The following CHM variants were observed in gnomAD, a reference collection of about 807,000 sequenced individuals.
CHM encodes the protein CHM Rab escort protein.
Under a neutral mutation model 49.0 loss-of-function variants are expected in CHM, and 10 were observed. The ratio of observed to expected loss-of-function variants is 0.20; its 90% confidence interval spans 0.13 to 0.35. CHM has a LOEUF of 0.35. CHM is among the 10% of genes least tolerant of loss of function. The pLI, the probability that CHM is intolerant of heterozygous loss-of-function variation, is 1.00. For missense variants in CHM, 455 were observed against 478.4 expected, an observed-to-expected ratio of 0.95 and a Z score of 0.46; for synonymous variants, 184 against 167.5, an observed-to-expected ratio of 1.10 and a Z score of -0.76.
chrX:85,958,810 C>A (rs1485428782), intron 6 of CHM, 51 bp downstream of exon 6: 1 of 1,207,641 alleles, frequency 8.3e-7, no homozygotes, highest in East Asian at 3.0e-5. Flanking sequence ...CCAAAACAAA[C>A]CATAATAACT....
intron 2 of CHM, among the ~76,000 whole-genome samples, chrX:86,007,762 A>T (rs971441226): frequency 2.7e-5 from 3 of 112,154 alleles, no homozygotes; most frequent in Admixed American, 9.4e-5. Flanking sequence ...AAACAACAGA[A>T]GCTGGAGAGG....
At chrX:85,913,060 C>T (rs1216286253) in intron 8 of CHM, among the ~76,000 whole-genome samples, 4 of 98,843 alleles carry the variant, frequency 4.0e-5, no homozygotes, top group African/African-American at 1.5e-4. Context: ...AGGCAGGGCC[C>T]ACGCCTGTAA....
chrX:86,024,425 T>C (rs1349652376), intron 2 of CHM, among the ~76,000 whole-genome samples: 1 of 112,626 alleles, frequency 8.9e-6, no homozygotes, highest in African/African-American at 3.2e-5. Context: ...TCTGCTTTCA[T>C]CTTTTCAAGT....
chrX:85,962,353 T>C (rs566072711), intron 5 of CHM, among the ~76,000 whole-genome samples: 19 of 112,254 alleles, frequency 1.7e-4, no homozygotes, highest in African/African-American at 4.5e-4. Flanking sequence ...GTGGGAGAGA[T>C]AGTACGGAAG....
chrX:85,933,353 T>G (rs756873776), intron 8 of CHM, among the ~76,000 whole-genome samples: 2 of 112,284 alleles, frequency 1.8e-5, no homozygotes, highest in Admixed American at 9.5e-5. Flanking sequence ...TTCTAAGAGC[T>G]TTGCAAATAT....
chrX:86,040,622 T>C (rs1397200938), intron 1 of CHM, among the ~76,000 whole-genome samples: 5 of 112,283 alleles, frequency 4.5e-5, no homozygotes, highest in African/African-American at 1.6e-4. Flanking sequence ...CAGTATGAGA[T>C]GAAACACTTA....
chrX:85,929,358 T>C (rs1309942253), intron 8 of CHM, among the ~76,000 whole-genome samples: 1 of 112,454 alleles, frequency 8.9e-6, no homozygotes, highest in Non-Finnish European at 1.9e-5. Flanking sequence ...GTGGCCTTCA[T>C]TGACCATTAT....
intron 8 of CHM, among the ~76,000 whole-genome samples, chrX:85,952,058 A>T (rs1929779317): frequency 8.9e-6 from 1 of 112,138 alleles, no homozygotes; most frequent in Admixed American, 9.4e-5. Context: ...CAGCAGCTGG[A>T]ACTCGAGTGT....
chrX:85,990,717 T>C lies in CHM; in HGVS notation c.117-8908A>G, dbSNP rs186016617. ...CAATATCAGTTTGCTTAACATCTCT[T>C]AACAGAAAAGCAATACTACAGGTAG... is the stretch of plus-strand genomic sequence containing the variant. On this transcript the variant is annotated intron_variant, in intron 2 of 14. Coordinates refer to ENST00000357749, the MANE Select transcript of CHM (RefSeq NM_000390.4). Among the ~76,000 whole-genome samples, 3 of 111,818 alleles carry C rather than the reference T, an allele frequency of 2.7e-5. No individual in the cohort carries two copies. The East Asian group carries it at 8.5e-4, about 32-fold the overall frequency.
chrX:85,995,255 T>C (rs1268733403), intron 2 of CHM, among the ~76,000 whole-genome samples: 8 of 85,424 alleles, frequency 9.4e-5, no homozygotes, highest in African/African-American at 3.2e-4. Context: ...ACATTCCTTA[T>C]TACTTAAAAA....
intron 4 of CHM, chrX:85,971,288 C>T: frequency 1.4e-6 from 1 of 722,757 alleles, no homozygotes; most frequent in East Asian, 1.5e-4. Context: ...CTTGGTCTCA[C>T]TGACTTAAAG....
intron 2 of CHM, among the ~76,000 whole-genome samples, chrX:86,016,567 T>A (rs1933313302): frequency 8.9e-6 from 1 of 112,727 alleles, no homozygotes; most frequent in Non-Finnish European, 1.9e-5. Flanking sequence ...AGCTTCCACA[T>A]GTTGCTGAGC....
chrX:85,989,494 C>T (rs1199965015), intron 2 of CHM, among the ~76,000 whole-genome samples: 1 of 112,001 alleles, frequency 8.9e-6, no homozygotes, highest in Non-Finnish European at 1.9e-5. Context: ...CAAAAATTGA[C>T]AAGTGGAATC....
At position 85,876,361 on chromosome X, in the gene CHM, A is replaced by G. The variant is rs142095531; in HGVS notation, c.1609+2604T>C. Among the ~76,000 whole-genome samples, 890 of 112,218 alleles carry G rather than the reference A, an allele frequency of 7.9e-3. 7 individuals carry two copies. Among genetic ancestry groups the G allele is most frequent in the Non-Finnish European group, 0.014 (767 of 53,134 alleles). The stretch of plus-strand genomic sequence containing the variant: ...TAAAATATTTACAATGCAGTAAAGC[A>G]TAAGGTATTATATGAATGTCAAATA... On this transcript the variant is annotated intron_variant, in intron 13 of 14. Transcript: ENST00000357749.
intron 5 of CHM, among the ~76,000 whole-genome samples, chrX:85,960,918 C>T (rs5968752): frequency 0.23 from 25,049 of 110,751 alleles, 2,166 homozygotes; most frequent in Non-Finnish European, 0.25. Flanking sequence ...TCATCTTTGA[C>T]CTTCTCTATT....
chrX:85,981,863 T>C, intron 2 of CHM, 54 bp from the exon 3 acceptor site: 1 of 893,616 alleles, frequency 1.1e-6, no homozygotes, highest in Non-Finnish European at 1.6e-6. Flanking sequence ...AAAAATCAAT[T>C]CACTGATCTT....
intron 8 of CHM, among the ~76,000 whole-genome samples, chrX:85,923,378 G>A (rs780685798): frequency 6.3e-5 from 7 of 111,990 alleles, no homozygotes; most frequent in African/African-American, 2.3e-4. Flanking sequence ...ACCAATGTGG[G>A]GTTTGTAGGC....
At chrX:85,888,618 G>C (rs1925248662) in intron 12 of CHM, among the ~76,000 whole-genome samples, 2 of 111,685 alleles carry the variant, frequency 1.8e-5, no homozygotes, top group South Asian at 7.6e-4. Context: ...CAAAATGGCA[G>C]AGTCCCCTGG....
At chrX:85,964,440 G>A (rs988997519) in intron 4 of CHM, among the ~76,000 whole-genome samples, 4 of 109,901 alleles carry the variant, frequency 3.6e-5, no homozygotes, top group Non-Finnish European at 5.7e-5. Flanking sequence ...TACCCTCTCT[G>A]AGACCACCTA....
Sources: allele counts gnomAD v4.1 joint callset (sites outside exome capture counted in the v4.1 genomes callset), GRCh38; gene constraint gnomAD v4.1.1; transcripts MANE v1.5; gene names NCBI Gene and HGNC (gene_info 2026-07-23, HGNC 2026-07-21).